The following SEMA5A variants were observed in gnomAD, a reference collection of about 807,000 sequenced individuals.
SEMA5A encodes the protein semaphorin-5A.
SEMA5A carries 55 observed loss-of-function variants against 135.5 expected under a neutral mutation model. That is an observed-to-expected ratio of 0.41 (90% CI 0.33 to 0.51). The LOEUF is 0.51. Among genes scored for constraint, SEMA5A ranks in the 20% least tolerant of loss-of-function variants. SEMA5A has a pLI of 0.37. For synonymous variants in SEMA5A, 580 were observed against 546.5 expected, an observed-to-expected ratio of 1.06 and a Z score of -0.85; for missense variants, 1,290 against 1,419.9, an observed-to-expected ratio of 0.91 and a Z score of 1.47.
intron 11 of SEMA5A, among the ~76,000 whole-genome samples, chr5:9,156,913 T>C (rs1742986041): frequency 6.6e-6 from 1 of 152,256 alleles, no homozygotes; most frequent in Non-Finnish European, 1.5e-5. Context: ...TTTTTAAAGA[T>C]CTGTGATAGT....
At chr5:9,515,363 C>G (rs1227538375) in intron 1 of SEMA5A, among the ~76,000 whole-genome samples, 1 of 152,162 alleles carries the variant, frequency 6.6e-6, no homozygotes, top group African/African-American at 2.4e-5. Context: ...AAGGCAGGGA[C>G]CATCTCTAGT....
intron 1 of SEMA5A, among the ~76,000 whole-genome samples, chr5:9,483,690 C>G (rs1196485062): frequency 1.3e-5 from 2 of 152,162 alleles, no homozygotes; most frequent in East Asian, 1.9e-4. Context: ...TACCCTGGTA[C>G]CTGCCAACCG....
chr5:9,150,741 A>G (rs1742589044), intron 12 of SEMA5A, among the ~76,000 whole-genome samples: 2 of 152,172 alleles, frequency 1.3e-5, no homozygotes, highest in South Asian at 4.1e-4. Flanking sequence ...AAAACAGAGT[A>G]TAAAACCTCC....
At chr5:9,141,729 G>GT (rs1560956176) in intron 12 of SEMA5A, among the ~76,000 whole-genome samples, 1 of 151,938 alleles carries the variant, frequency 6.6e-6, no homozygotes, top group Non-Finnish European at 1.5e-5. Context: ...TTGCAATTAC[G>GT]TTTTTTGTTA....
intron 17 of SEMA5A, among the ~76,000 whole-genome samples, chr5:9,064,156 T>C (rs1224202648): frequency 6.6e-6 from 1 of 152,194 alleles, no homozygotes; most frequent in African/African-American, 2.4e-5. Context: ...TAGAATTGTC[T>C]GTCTGTGATA....
intron 2 of SEMA5A, among the ~76,000 whole-genome samples, chr5:9,410,437 C>T (rs1057465974): frequency 6.6e-6 from 1 of 152,178 alleles, no homozygotes; most frequent in Non-Finnish European, 1.5e-5. Flanking sequence ...CAGTCAATCT[C>T]CGCAGGATTG....
chr5:9,318,216 A>G (rs1157901391), intron 5 of SEMA5A, among the ~76,000 whole-genome samples, 156 bp downstream of exon 5: 3 of 152,212 alleles, frequency 2.0e-5, no homozygotes, highest in Non-Finnish European at 4.4e-5. Context: ...ACTCGTAACA[A>G]GTAGGGCCGC....
chr5:9,352,094 C>CGGGGGGG (rs3842076), intron 3 of SEMA5A, among the ~76,000 whole-genome samples: 1 of 132,252 alleles, frequency 7.6e-6, no homozygotes, highest in Non-Finnish European at 1.6e-5. Context: ...TGTAACAGGT[C>CGGGGGGG]GGGGGGGTTA....
At chr5:9,129,110 C>T (rs781630577) in intron 13 of SEMA5A, among the ~76,000 whole-genome samples, 63 of 152,076 alleles carry the variant, frequency 4.1e-4, no homozygotes, top group Non-Finnish European at 6.9e-4. Context: ...ATATATGAAT[C>T]GGCAAAAGAG....
At chr5:9,364,510 T>C (rs1455341224) in intron 3 of SEMA5A, among the ~76,000 whole-genome samples, 2 of 152,188 alleles carry the variant, frequency 1.3e-5, no homozygotes, top group Admixed American at 6.5e-5. Context: ...GATGGCTTGC[T>C]TTTATCATGC....
chr5:9,357,499 A>G (rs576083353), intron 3 of SEMA5A, among the ~76,000 whole-genome samples: 1 of 152,348 alleles, frequency 6.6e-6, no homozygotes, highest in Admixed American at 6.5e-5. Flanking sequence ...TTTCCCCACC[A>G]GTTATAAACA....
chr5:9,314,028 C>T (rs1324835341), intron 5 of SEMA5A, among the ~76,000 whole-genome samples: 2 of 152,182 alleles, frequency 1.3e-5, no homozygotes, highest in Non-Finnish European at 2.9e-5. Context: ...TACTGGTGAA[C>T]TACATTCATT....
At chr5:9,462,280 C>T (rs147387251) in intron 1 of SEMA5A, among the ~76,000 whole-genome samples, 41 of 152,274 alleles carry the variant, frequency 2.7e-4, no homozygotes, top group African/African-American at 9.1e-4. Flanking sequence ...TGAGATACCA[C>T]CTCACACCAC....
chr5:9,543,693 T>C (rs1465970161), intron 1 of SEMA5A, among the ~76,000 whole-genome samples: 3 of 152,168 alleles, frequency 2.0e-5, no homozygotes, highest in Non-Finnish European at 1.5e-5. Flanking sequence ...TCAATGAGTA[T>C]ACAGATGCTT....
intron 17 of SEMA5A, among the ~76,000 whole-genome samples, chr5:9,063,823 G>A (rs1387434914): frequency 1.3e-5 from 2 of 152,218 alleles, no homozygotes; most frequent in Admixed American, 1.3e-4. Flanking sequence ...AGGAATCACA[G>A]CCAACAGGCT....
intron 1 of SEMA5A, among the ~76,000 whole-genome samples, chr5:9,493,779 T>C (rs893169593): frequency 6.6e-6 from 1 of 152,188 alleles, no homozygotes; most frequent in South Asian, 2.1e-4. Flanking sequence ...ATCAGGAAGA[T>C]GTCAGCAAAA....
At chr5:9,404,860 T>C (rs1472743644) in intron 2 of SEMA5A, among the ~76,000 whole-genome samples, 1 of 152,168 alleles carries the variant, frequency 6.6e-6, no homozygotes, top group Non-Finnish European at 1.5e-5. Context: ...AAAAGGATAC[T>C]GCCATTACAA....
At chr5:9,307,973 G>T (rs1220676501) in intron 5 of SEMA5A, among the ~76,000 whole-genome samples, 3 of 152,168 alleles carry the variant, frequency 2.0e-5, no homozygotes, top group Non-Finnish European at 4.4e-5. Context: ...AATGGATAAA[G>T]AGAGTTATTA....
chr5:9,104,657 A>G (rs993751562), intron 16 of SEMA5A, among the ~76,000 whole-genome samples: 1 of 152,192 alleles, frequency 6.6e-6, no homozygotes, highest in African/African-American at 2.4e-5. Context: ...TTTGAAAACA[A>G]CCATGTGGAG....
Sources: allele counts gnomAD v4.1 joint callset (sites outside exome capture counted in the v4.1 genomes callset), GRCh38; gene constraint gnomAD v4.1.1; transcripts MANE v1.5; gene names NCBI Gene and HGNC (gene_info 2026-07-23, HGNC 2026-07-21).